SUGCT: variants seen among roughly 807,000 people sequenced by gnomAD.
The protein encoded by SUGCT is succinyl-CoA:glutarate-CoA transferase, also known as succinyl-CoA:glutarate CoA-transferase.
SUGCT carries 41 observed loss-of-function variants against 55.0 expected under a neutral mutation model. That is an observed-to-expected ratio of 0.74 (90% CI 0.58 to 0.97). The LOEUF is 0.97. SUGCT is among the 50% of genes least tolerant of loss of function. SUGCT has a pLI of 0.00. For synonymous variants in SUGCT, 187 were observed against 200.4 expected (o/e 0.93, Z 0.56); for missense variants, 568 against 547.8 (o/e 1.04, Z -0.37).
At chr7:40,831,713 C>T (rs1486581570) in intron 13 of SUGCT, among the ~76,000 whole-genome samples, 1 of 152,204 alleles carries the variant, frequency 6.6e-6, no homozygotes. Context: ...ACTGTGAACA[C>T]TAAGAACACT....
intron 13 of SUGCT, among the ~76,000 whole-genome samples, chr7:40,834,800 A>G (rs1792874745): frequency 1.3e-5 from 2 of 152,326 alleles, no homozygotes; most frequent in East Asian, 3.9e-4. Flanking sequence ...AGAAAATAAA[A>G]ATTATTTGCC....
intron 1 of SUGCT, among the ~76,000 whole-genome samples, chr7:40,166,608 T>A (rs2150664301): frequency 6.6e-6 from 1 of 152,206 alleles, no homozygotes; most frequent in East Asian, 1.9e-4. Context: ...ATTCCATGGC[T>A]GGGCATGGTG....
At chr7:40,680,748 G>C (rs1307514573) in intron 12 of SUGCT, among the ~76,000 whole-genome samples, 1 of 152,062 alleles carries the variant, frequency 6.6e-6, no homozygotes, top group Non-Finnish European at 1.5e-5. Context: ...TTTGATTATG[G>C]TGACCATAGT....
chr7:40,920,397 G>A, the SUGCT span, among the ~76,000 whole-genome samples: 1 of 152,172 alleles, frequency 6.6e-6, no homozygotes, highest in Non-Finnish European at 1.5e-5. Context: ...GCCCTGGAAA[G>A]TTCAATATCT....
chr7:40,482,155 A>G (rs1301998491), intron 11 of SUGCT, among the ~76,000 whole-genome samples: 3 of 152,204 alleles, frequency 2.0e-5, no homozygotes, highest in Non-Finnish European at 4.4e-5. Context: ...TGTTTATTGA[A>G]GAAGTACTCA....
intron 12 of SUGCT, among the ~76,000 whole-genome samples, chr7:40,709,035 T>G (rs1371073828): frequency 1.3e-5 from 2 of 152,182 alleles, no homozygotes; most frequent in Non-Finnish European, 2.9e-5. Flanking sequence ...AGTACTTGCC[T>G]CTCTTGGAAC....
intron 6 of SUGCT, among the ~76,000 whole-genome samples, chr7:40,233,777 G>A (rs955952117): frequency 1.3e-5 from 2 of 152,060 alleles, no homozygotes; most frequent in Admixed American, 6.5e-5. Flanking sequence ...CATTTTGCTT[G>A]TGTTATCTAA....
the SUGCT span, among the ~76,000 whole-genome samples, chr7:40,952,322 C>T: frequency 6.6e-6 from 1 of 151,430 alleles, no homozygotes; most frequent in East Asian, 2.0e-4. Flanking sequence ...CTTCCCCCAT[C>T]CCTTTATTTT....
intron 9 of SUGCT, among the ~76,000 whole-genome samples, chr7:40,428,172 C>T (rs1787693810): frequency 6.6e-6 from 1 of 152,126 alleles, no homozygotes; most frequent in Non-Finnish European, 1.5e-5. Flanking sequence ...TCTATTTTGC[C>T]TGATGTAATT....
At chr7:40,721,593 C>A (rs1268630138) in intron 12 of SUGCT, among the ~76,000 whole-genome samples, 1 of 152,228 alleles carries the variant, frequency 6.6e-6, no homozygotes, top group African/African-American at 2.4e-5. Flanking sequence ...AGCCAACTGG[C>A]AGCTGGTTGG....
intron 13 of SUGCT, among the ~76,000 whole-genome samples, chr7:40,754,342 T>A (rs1562982948): frequency 6.6e-6 from 1 of 152,204 alleles, no homozygotes; most frequent in East Asian, 1.9e-4. Flanking sequence ...ACCATTAGCT[T>A]AATGATAGAA....
intron 13 of SUGCT, among the ~76,000 whole-genome samples, chr7:40,777,343 G>A (rs533755741): frequency 1.3e-5 from 2 of 152,112 alleles, no homozygotes; most frequent in East Asian, 1.9e-4. Context: ...CATGGGCATC[G>A]GGATCAACTA....
At chr7:40,416,855 T>C (rs1787030095) in intron 9 of SUGCT, among the ~76,000 whole-genome samples, 1 of 152,010 alleles carries the variant, frequency 6.6e-6, no homozygotes, top group Admixed American at 6.5e-5. Flanking sequence ...CTTTCAAAAG[T>C]TGGATAATTC....
At position 40,171,499 on chromosome 7, in the gene SUGCT, G is replaced by T. The variant is rs191608386; in HGVS notation, c.101-9448G>T. On this transcript the variant is annotated intron_variant, in intron 1 of 13. Transcript: ENST00000335693. The stretch of plus-strand genomic sequence containing the variant: ...ATGGTAATTAAGATTTAAATCCCCT[G>T]TTAGGAAATCTGCTGGGTTAAGGGA... 1.4e-4 allele frequency among the ~76,000 whole-genome samples: 21 copies of T among 152,328 alleles called. No homozygotes were observed. In the East Asian group the frequency reaches 4.1e-3, roughly 29 times the overall value.
At position 40,667,144 on chromosome 7, in the gene SUGCT, T is replaced by C. The variant is rs1801688120; in HGVS notation, c.1090-82290T>C. Among the ~76,000 whole-genome samples the C allele has an allele frequency of 2.0e-5, 3 of 150,660 alleles. No homozygotes were observed. The South Asian group carries it at 6.3e-4, about 32-fold the overall frequency. On this transcript the variant is annotated intron_variant, in intron 12 of 13. Coordinates refer to ENST00000335693, the MANE Select transcript of SUGCT (RefSeq NM_001193313.2). ...AAAAATGCTCATTGGGACAACAAAA[T>C]GAATGAAAGGACTGATGATTTCTAA...
intron 8 of SUGCT, among the ~76,000 whole-genome samples, chr7:40,301,411 C>T (rs928940847): frequency 2.6e-5 from 4 of 152,214 alleles, no homozygotes; most frequent in African/African-American, 9.6e-5. Context: ...CAATCCTTGG[C>T]ATTATGTACC....
At position 40,231,534 on chromosome 7, in the gene SUGCT, G is replaced by A. The variant is rs182722610; in HGVS notation, c.485-6101G>A. Reference sequence around the variant, plus strand: ...AGAAAGCTTCTCTGAGGAGGATGTAGTAGCAAGCCATGTGAAGATTGGAGA... The same window carrying A: ...AGAAAGCTTCTCTGAGGAGGATGTAATAGCAAGCCATGTGAAGATTGGAGA... On this transcript the variant is annotated intron_variant, in intron 6 of 13. Coordinates refer to ENST00000335693, the MANE Select transcript of SUGCT (RefSeq NM_001193313.2). 2.4e-4 allele frequency among the ~76,000 whole-genome samples: 37 copies of A among 152,304 alleles called. 1 individual carries two copies. The highest frequency in any genetic ancestry group is 2.3e-3 in the Admixed American group (35 of 15,296).
chr7:40,201,316 T>C (rs778712494), intron 6 of SUGCT, among the ~76,000 whole-genome samples: 2 of 152,166 alleles, frequency 1.3e-5, no homozygotes, highest in Non-Finnish European at 2.9e-5. Flanking sequence ...CTAAAGACAG[T>C]AGTCTAGTTC....
At chr7:40,429,407 C>T (rs1179587851) in intron 9 of SUGCT, among the ~76,000 whole-genome samples, 3 of 152,082 alleles carry the variant, frequency 2.0e-5, no homozygotes, top group Non-Finnish European at 4.4e-5. Flanking sequence ...CTCACACGAT[C>T]ACAAGGTGAA....
Sources: allele counts gnomAD v4.1 joint callset (sites outside exome capture counted in the v4.1 genomes callset), GRCh38; gene constraint gnomAD v4.1.1; transcripts MANE v1.5; gene names NCBI Gene and HGNC (gene_info 2026-07-23, HGNC 2026-07-21).